Variants in ZFHX3 observed in about 807,000 individuals in gnomAD.
The protein encoded by ZFHX3 is zinc finger homeobox protein 3.
ZFHX3 carries 42 observed loss-of-function variants against 279.1 expected under a neutral mutation model. That is an observed-to-expected ratio of 0.15 (90% CI 0.12 to 0.19). The LOEUF (loss-of-function observed/expected upper bound fraction) is 0.19, where lower values mean the gene tolerates loss of function less well. Among genes scored for constraint, ZFHX3 ranks in the 10% least tolerant of loss-of-function variants. The pLI is 1.00. For synonymous variants in ZFHX3, 2,293 were observed against 1,957.8 expected, an observed-to-expected ratio of 1.17 and a Z score of -4.52; for missense variants, 4,981 against 4,754.0, an observed-to-expected ratio of 1.05 and a Z score of -1.40.
chr16:73,792,859 C>T (rs575245569), intron 1 of ZFHX3, among the ~76,000 whole-genome samples: 5 of 142,158 alleles, frequency 3.5e-5, no homozygotes, highest in African/African-American at 5.3e-5. Flanking sequence ...ACAGTGCACC[C>T]CCCCCCTCCC....
intron 2 of ZFHX3, among the ~76,000 whole-genome samples, chr16:73,530,250 C>G (rs564282563): frequency 6.6e-6 from 1 of 152,108 alleles, no homozygotes; most frequent in Admixed American, 6.5e-5. Context: ...ACCATGAGAA[C>G]AGTATGGGGG....
intron 1 of ZFHX3, among the ~76,000 whole-genome samples, chr16:73,737,079 G>T (rs938249130): frequency 8.6e-5 from 13 of 151,864 alleles, no homozygotes; most frequent in African/African-American, 3.1e-4. Flanking sequence ...TATCACTCAA[G>T]CTGGAGTGCA....
In ZFHX3 at chr16:73,003,657, G is replaced by C. The variant is rs983704518; in HGVS notation, c.-49-43463C>G. 3.9e-5 allele frequency among the ~76,000 whole-genome samples: 6 copies of C among 152,184 alleles called. 1 individual carries two copies. The highest frequency in any genetic ancestry group is 3.3e-4 in the Admixed American group (5 of 15,284). ...GGAGGCAGGGATTGCAGTAAGCTGA[G>C]ACTGCACTACTGCACTCCAGCCTGG... On this transcript the variant is annotated intron_variant, in intron 1 of 9. Transcript: ENST00000268489.
chr16:72,789,205 G>A (rs1332007962), intron 9 of ZFHX3: 1 of 201,900 alleles, frequency 5.0e-6, no homozygotes, highest in Non-Finnish European at 9.9e-6. Context: ...TATCCCACCA[G>A]GCTCAGGGCT....
chr16:73,889,475 G>A (rs2030457881), intron 1 of ZFHX3, among the ~76,000 whole-genome samples: 1 of 152,142 alleles, frequency 6.6e-6, no homozygotes, highest in East Asian at 1.9e-4. Context: ...GAATGAACTT[G>A]GTGGACAGAA....
chr16:72,928,200 G>T (rs1959588452), intron 3 of ZFHX3, among the ~76,000 whole-genome samples: 1 of 65,546 alleles, frequency 1.5e-5, no homozygotes, highest in Non-Finnish European at 3.5e-5. Context: ...GGGGAGGGGA[G>T]CGAGGGGGAG....
At chr16:72,816,587 A>G (rs1446843755) in intron 5 of ZFHX3, among the ~76,000 whole-genome samples, 1 of 152,186 alleles carries the variant, frequency 6.6e-6, no homozygotes, top group Non-Finnish European at 1.5e-5. Flanking sequence ...GCCCTACCCA[A>G]CGCGTGCTGA....
intron 2 of ZFHX3, among the ~76,000 whole-genome samples, chr16:73,579,724 G>A (rs977077776): frequency 1.3e-5 from 2 of 149,516 alleles, no homozygotes; most frequent in Non-Finnish European, 3.0e-5. Flanking sequence ...GGATGGTCTC[G>A]ATCTCCTGAC....
intron 1 of ZFHX3, among the ~76,000 whole-genome samples, chr16:73,850,807 C>T: frequency 6.6e-6 from 1 of 152,064 alleles, no homozygotes; most frequent in Non-Finnish European, 1.5e-5. Context: ...AGGCTGCAGA[C>T]ATGAGCAGCT....
chr16:73,787,331 T>C (rs375203201), intron 1 of ZFHX3, among the ~76,000 whole-genome samples: 6 of 152,292 alleles, frequency 3.9e-5, no homozygotes, highest in African/African-American at 1.4e-4. Flanking sequence ...CCAGACACAC[T>C]GTGATTAAAA....
chr16:73,003,958 T>C (rs1009251305), intron 1 of ZFHX3, among the ~76,000 whole-genome samples: 4 of 144,034 alleles, frequency 2.8e-5, no homozygotes, highest in African/African-American at 1.1e-4. Context: ...TTTTTTTTTT[T>C]CCACTTAGTT....
At chr16:73,314,601 A>G (rs1049061564) in intron 4 of ZFHX3, among the ~76,000 whole-genome samples, 2 of 152,092 alleles carry the variant, frequency 1.3e-5, no homozygotes, top group South Asian at 4.1e-4. Flanking sequence ...GTTATGATCT[A>G]GGTGACATGA....
At chr16:72,991,387 G>A (rs1318424169) in intron 1 of ZFHX3, among the ~76,000 whole-genome samples, 1 of 152,146 alleles carries the variant, frequency 6.6e-6, no homozygotes, top group Admixed American at 6.5e-5. Context: ...AGGATAAAGA[G>A]GGACTGCTGT....
At position 73,265,397 on chromosome 16, in the gene ZFHX3, G is replaced by A. The variant is rs141027913; in HGVS notation, c.-1193-8261C>T. Among the ~76,000 whole-genome samples, 757 of 152,256 alleles carry A rather than the reference G, an allele frequency of 5.0e-3. 5 individuals are homozygous for A. The highest frequency in any genetic ancestry group is 0.017 in the African/African-American group (721 of 41,560). On this transcript the variant is annotated intron_variant, in intron 4 of 17. Coordinates refer to the ZFHX3 transcript ENST00000641206. ...TGCAGTTTTCTTCTTGCCAGGGCTA[G>A]TTTCTATGCTGCCTAACTTGGTGCT... is the stretch of plus-strand genomic sequence containing the variant.
intron 3 of ZFHX3, among the ~76,000 whole-genome samples, chr16:73,433,384 AT>A (rs1471300413): frequency 3.3e-5 from 5 of 152,114 alleles, no homozygotes; most frequent in Admixed American, 3.3e-4. Context: ...TTTGAATATC[AT>A]TTGCATCTTG....
At chr16:72,954,349 G>A (rs1018515490) in intron 2 of ZFHX3, among the ~76,000 whole-genome samples, 1 of 152,108 alleles carries the variant, frequency 6.6e-6, no homozygotes, top group South Asian at 2.1e-4. Flanking sequence ...CAGCCTGGGC[G>A]ACAAGAGTGA....
chr16:72,847,229 T>C (rs1230945694), intron 4 of ZFHX3, among the ~76,000 whole-genome samples: 2 of 152,140 alleles, frequency 1.3e-5, no homozygotes, highest in African/African-American at 4.8e-5. Flanking sequence ...ATGAATTTGG[T>C]ATTGAGGATG....
intron 1 of ZFHX3, among the ~76,000 whole-genome samples, chr16:72,971,396 T>C (rs1216868001): frequency 6.6e-6 from 1 of 152,176 alleles, no homozygotes; most frequent in Non-Finnish European, 1.5e-5. Context: ...AGCACTATTT[T>C]TCTGAACATG....
chr16:72,933,691 G>A (rs1959946036), intron 3 of ZFHX3, among the ~76,000 whole-genome samples: 1 of 151,938 alleles, frequency 6.6e-6, no homozygotes, highest in South Asian at 2.1e-4. Context: ...TTTTGTTTAT[G>A]GGTTTTTATT....
Sources: allele counts gnomAD v4.1 joint callset (sites outside exome capture counted in the v4.1 genomes callset), GRCh38; gene constraint gnomAD v4.1.1; transcripts MANE v1.5; gene names NCBI Gene and HGNC (gene_info 2026-07-23, HGNC 2026-07-21).